TSPAN14: variants seen among roughly 807,000 people sequenced by gnomAD.
TSPAN14 encodes the protein tetraspanin 14.
A neutral mutation model predicts 36.6 loss-of-function variants in TSPAN14; 16 were observed. The observed-to-expected ratio is 0.44, with a 90% CI of 0.30 to 0.66. The LOEUF (loss-of-function observed/expected upper bound fraction) is 0.66, where lower values mean the gene tolerates loss of function less well. TSPAN14 is among the 30% of genes least tolerant of loss of function. TSPAN14 has a pLI of 0.12. For synonymous variants in TSPAN14, 139 were observed against 143.8 expected (o/e 0.97, Z 0.24); for missense variants, 231 against 355.1 (o/e 0.65, Z 2.81).
At position 80,516,287 on chromosome 10, in the gene TSPAN14, T is replaced by G; in HGVS notation, c.705T>G (p.Ile235Met). The change falls in exon 8 of 9, where the codon ATT becomes ATG. Residue 235 changes from isoleucine (I) to methionine (M), a missense_variant. Physicochemically the swap from Ile to Met is conservative, Grantham distance 10. Transcript: ENST00000429989. ...GCTGGCTCCCGCGGAACATTTACAT[T>G]GTGGCTGGCGTCTTCATCGCCATCT... is the stretch of plus-strand genomic sequence containing the variant. 2 of 1,614,198 alleles carry G rather than the reference T, an allele frequency of 1.2e-6. No individual in the cohort carries two copies. Among genetic ancestry groups the G allele is most frequent in the African/African-American group, 2.7e-5 (2 of 75,020 alleles).
At chr10:80,500,352 G>A (rs1233787422) in intron 2 of TSPAN14, among the ~76,000 whole-genome samples, 1 of 56,880 alleles carries the variant, frequency 1.8e-5, no homozygotes, top group African/African-American at 7.1e-5. Flanking sequence ...TTTTTGAGAC[G>A]AAGTTTTGCT....
chr10:80,478,063 A>G (rs1164797219), intron 1 of TSPAN14, among the ~76,000 whole-genome samples: 1 of 152,206 alleles, frequency 6.6e-6, no homozygotes. Context: ...GGATTACTAG[A>G]TGGCTAAAGA....
intron 1 of TSPAN14, among the ~76,000 whole-genome samples, chr10:80,475,587 C>T (rs999039272): frequency 1.3e-5 from 2 of 152,080 alleles, no homozygotes; most frequent in African/African-American, 4.8e-5. Context: ...CCCCTTTCCC[C>T]ATCCTTTTTT....
chr10:80,481,792 A>G (rs1281440878), intron 1 of TSPAN14, among the ~76,000 whole-genome samples: 1 of 150,452 alleles, frequency 6.6e-6, no homozygotes. Context: ...CGCCTGGCTA[A>G]TTTTTTTTTT....
intron 1 of TSPAN14, among the ~76,000 whole-genome samples, chr10:80,473,695 T>C (rs1846689678): frequency 7.0e-6 from 1 of 142,266 alleles, no homozygotes; most frequent in Non-Finnish European, 1.6e-5. Context: ...GTTTTTTTTT[T>C]TTTTTTAAAT....
Position 80,509,170 on chromosome 10 carries a change from C to T in TSPAN14, c.280-131C>T. On this transcript the variant is annotated intron_variant, in intron 4 of 8. Transcript: ENST00000429989. The surrounding 1 kb of genome is among the most constrained non-coding windows in gnomAD (Gnocchi z 4.7). ...ACTCTAAGTGTGGGGTTCTGGGGCC[C>T]CGATGTGGGACTCTCAGGTGCAGAG... 1.0e-6 allele frequency: 1 copy of T among 974,576 alleles called. No homozygotes were observed. The highest frequency in any genetic ancestry group is 1.7e-5 in the South Asian group (1 of 60,042). 60.4% of individuals were successfully genotyped at this position (974,576 alleles called of 1,614,324 possible). A position where few individuals can be genotyped will look rare whatever the true frequency, so the allele number is the denominator to read the frequency against.
At chr10:80,481,747 TC>T (rs1847289594) in intron 1 of TSPAN14, among the ~76,000 whole-genome samples, 1 of 152,162 alleles carries the variant, frequency 6.6e-6, no homozygotes, top group Non-Finnish European at 1.5e-5. Context: ...TGCCTCTGCC[TC>T]CCAATTAACT....
chr10:80,501,475 G>T (rs1238017665), intron 2 of TSPAN14, among the ~76,000 whole-genome samples: 1 of 152,132 alleles, frequency 6.6e-6, no homozygotes, highest in Non-Finnish European at 1.5e-5. Context: ...GTCAAGGTGA[G>T]AGAAGGGGTG....
chr10:80,470,235 G>A (rs758895141), intron 1 of TSPAN14, among the ~76,000 whole-genome samples: 49 of 152,276 alleles, frequency 3.2e-4, no homozygotes, highest in African/African-American at 1.1e-3. Context: ...ACAGGTGTGC[G>A]CCACCAGGCC....
chr10:80,509,676 C>A lies in TSPAN14; in HGVS notation c.450+205C>A. The A allele has an allele frequency of 1.7e-6, 1 of 593,354 alleles. No individual in the cohort carries two copies. Among genetic ancestry groups the A allele is most frequent in the South Asian group, 2.1e-5 (1 of 48,090 alleles). 36.8% of individuals were successfully genotyped at this position (593,354 alleles called of 1,614,324 possible). A position where few individuals can be genotyped will look rare whatever the true frequency, so the allele number is the denominator to read the frequency against. On this transcript the variant is annotated intron_variant, in intron 5 of 8. Transcript: ENST00000429989. The surrounding 1 kb of genome is among the most constrained non-coding windows in gnomAD (Gnocchi z 4.7). ...GTTGCCTGGTGGGCCAGCCCTTTCC[C>A]ATTGGGATTGGGCAGGCAAGTCCAG...
chr10:80,472,350 G>A (rs1589245891), intron 1 of TSPAN14, among the ~76,000 whole-genome samples: 1 of 152,326 alleles, frequency 6.6e-6, no homozygotes, highest in East Asian at 1.9e-4. Flanking sequence ...CGGAAATGGT[G>A]AGTTCTAGGT....
At chr10:80,471,808 C>G (rs1846568271) in intron 1 of TSPAN14, among the ~76,000 whole-genome samples, 1 of 152,184 alleles carries the variant, frequency 6.6e-6, no homozygotes, top group Admixed American at 6.5e-5. Flanking sequence ...CAGGCCCTGC[C>G]TCACCTAGGT....
chr10:80,509,054 A>G lies in TSPAN14; in HGVS notation c.280-247A>G, dbSNP rs952744525. On this transcript the variant is annotated intron_variant, in intron 4 of 8. Coordinates refer to ENST00000429989, the Ensembl canonical transcript of TSPAN14. The surrounding 1 kb of genome is among the most constrained non-coding windows in gnomAD (Gnocchi z 4.7). ...GGAGCTTTCTCACACTTTTTCACGC[A>G]TTTGAGTGTTATCAGCAATGCAGTG... 2.0e-5 allele frequency among the ~76,000 whole-genome samples: 3 copies of G among 152,194 alleles called. No individual in the cohort carries two copies. The highest frequency in any genetic ancestry group is 7.2e-5 in the African/African-American group (3 of 41,454).
chr10:80,522,616 CATAAG>C (rs1215199563), exon 9 of TSPAN14: 1 of 152,118 alleles, frequency 6.6e-6, no homozygotes, highest in Non-Finnish European at 1.5e-5. Flanking sequence ...AAAATCTAAA[CATAAG>C]AGAATGTAAA....
At chr10:80,520,651 G>A (rs1418917919) in exon 9 of TSPAN14, 1 of 533,228 alleles carries the variant, frequency 1.9e-6, no homozygotes, top group Non-Finnish European at 3.8e-6. Context: ...CCTATCGCTG[G>A]CCTTCCTTTC....
chr10:80,513,579 A>C (rs1397656859), intron 6 of TSPAN14, among the ~76,000 whole-genome samples: 1 of 152,260 alleles, frequency 6.6e-6, no homozygotes. Flanking sequence ...TGTGGCCCCC[A>C]GGCCAAATCT....
chr10:80,458,337 C>A (rs1404199289), intron 1 of TSPAN14, among the ~76,000 whole-genome samples: 1 of 152,140 alleles, frequency 6.6e-6, no homozygotes, highest in Non-Finnish European at 1.5e-5. Flanking sequence ...TTAAATTTTC[C>A]CCCTCAGGCC....
chr10:80,455,622 G>A (rs1845701307), intron 1 of TSPAN14, among the ~76,000 whole-genome samples: 1 of 152,132 alleles, frequency 6.6e-6, no homozygotes, highest in South Asian at 2.1e-4. Flanking sequence ...CTGGGGACAG[G>A]CCATCGGAGC....
At position 80,506,784 on chromosome 10, in the gene TSPAN14, C is replaced by T. The variant is rs569220639; in HGVS notation, c.133-444C>T. 3.1e-4 allele frequency among the ~76,000 whole-genome samples: 47 copies of T among 152,334 alleles called. No individual in the cohort carries two copies. In the Middle Eastern group the frequency reaches 0.01, roughly 33 times the overall value. Reference sequence around the variant, plus strand: ...AGCATTGCTTTGGCCTGCCCTTGGGCGTGTTTTCTACTAGAGTGTTCATAT... The same window carrying T: ...AGCATTGCTTTGGCCTGCCCTTGGGTGTGTTTTCTACTAGAGTGTTCATAT... On this transcript the variant is annotated intron_variant, in intron 3 of 8. Transcript: ENST00000429989.
Sources: gnomAD v4.1 joint callset for allele counts (sites outside exome capture counted in the v4.1 genomes callset) on GRCh38, gnomAD v4.1.1 for gene constraint, Gnocchi (gnomAD v3.1) non-coding constraint, MANE v1.5 for transcripts, NCBI Gene and HGNC (gene_info 2026-07-23, HGNC 2026-07-21) for gene names.